Variants in PHTF2 observed in about 807,000 individuals in gnomAD.
The protein encoded by PHTF2 is protein PHTF2.
In PHTF2, 60 loss-of-function variants were observed where a neutral mutation model predicts 101.2. The observed-to-expected ratio is 0.59, with a 90% CI of 0.48 to 0.73. PHTF2 has a LOEUF of 0.73. Ranked by LOEUF, PHTF2 falls within the 30% of genes least tolerant of loss-of-function variation. The pLI, the probability that PHTF2 is intolerant of heterozygous loss-of-function variation, is 0.00. For synonymous variants in PHTF2, 311 were observed against 307.3 expected, an observed-to-expected ratio of 1.01 and a Z score of -0.13; for missense variants, 747 against 908.7, an observed-to-expected ratio of 0.82 and a Z score of 2.29.
At chr7:77,829,440 A>G (rs1419885895) in intron 1 of PHTF2, among the ~76,000 whole-genome samples, 2 of 152,212 alleles carry the variant, frequency 1.3e-5, no homozygotes, top group African/African-American at 4.8e-5. Flanking sequence ...TTTGTTTAAA[A>G]TTACAACTTT....
At chr7:77,855,135 G>T (rs1160574686) in intron 3 of PHTF2, among the ~76,000 whole-genome samples, 2 of 152,218 alleles carry the variant, frequency 1.3e-5, no homozygotes, top group African/African-American at 4.8e-5. Flanking sequence ...TACCGCCTGG[G>T]TACCACTTAT....
chr7:77,889,920 CAGA>C (rs1313796088), intron 3 of PHTF2, among the ~76,000 whole-genome samples: 1 of 151,988 alleles, frequency 6.6e-6, no homozygotes, highest in Non-Finnish European at 1.5e-5. Context: ...ATTTCCAAAA[CAGA>C]AGAAGTCTGC....
intron 1 of PHTF2, among the ~76,000 whole-genome samples, chr7:77,820,945 C>A (rs1016320412): frequency 6.6e-6 from 1 of 152,018 alleles, no homozygotes; most frequent in African/African-American, 2.4e-5. Flanking sequence ...TATAGTTTCA[C>A]ATGTTTTTAT....
intron 3 of PHTF2, among the ~76,000 whole-genome samples, chr7:77,875,834 G>A (rs1798897748): frequency 6.6e-6 from 1 of 152,142 alleles, no homozygotes; most frequent in South Asian, 2.1e-4. Flanking sequence ...TGGGATTACA[G>A]GCGTGAGAAA....
At position 77,929,072 on chromosome 7, in the gene PHTF2, T is replaced by C. The variant is rs200217247; in HGVS notation, c.1120-37T>C. 2.5e-4 allele frequency: 361 copies of C among 1,473,088 alleles called. 1 individual carries two copies. The highest frequency in any genetic ancestry group is 1.4e-4 in the Non-Finnish European group (144 of 1,056,840). The allele number at this position is 1,473,088 out of a possible 1,614,324, so 91.3% of individuals were successfully genotyped here. ...TATCCTTTGAGTTGGAAAGAGTACA[T>C]AAATTGTATTAATGTCAAAGAATAT... On this transcript the variant is annotated intron_variant, in intron 11 of 19. Coordinates refer to ENST00000416283, the Ensembl canonical transcript of PHTF2.
intron 18 of PHTF2, among the ~76,000 whole-genome samples, chr7:77,953,423 A>C (rs1376558226): frequency 6.6e-6 from 1 of 152,176 alleles, no homozygotes; most frequent in East Asian, 1.9e-4. Flanking sequence ...AAATTTGGCC[A>C]ATTTCTAATT....
chr7:77,890,029 C>A (rs537017430), intron 3 of PHTF2, among the ~76,000 whole-genome samples: 1 of 150,584 alleles, frequency 6.6e-6, no homozygotes, highest in Non-Finnish European at 1.5e-5. Flanking sequence ...CGCGCCCCCC[C>A]CCACCACCAT....
chr7:77,916,865 C>T (rs920348551), intron 9 of PHTF2, among the ~76,000 whole-genome samples: 1 of 152,114 alleles, frequency 6.6e-6, no homozygotes, highest in African/African-American at 2.4e-5. Context: ...CAGGTGCAAG[C>T]ATAGTAAGCC....
chr7:77,812,620 C>T (rs371040797), intron 1 of PHTF2, among the ~76,000 whole-genome samples: 23 of 150,560 alleles, frequency 1.5e-4, no homozygotes, highest in East Asian at 7.9e-4. Context: ...GACAGAGCCT[C>T]GCTCTGTCAC....
chr7:77,823,975 A>G (rs892832713), intron 1 of PHTF2, among the ~76,000 whole-genome samples: 1 of 152,218 alleles, frequency 6.6e-6, no homozygotes, highest in Admixed American at 6.5e-5. Flanking sequence ...AAGCAACAAT[A>G]ATAGATTGTT....
chr7:77,901,719 T>G, intron 6 of PHTF2, 43 bp from the exon 6 acceptor site: 1 of 1,132,464 alleles, frequency 8.8e-7, no homozygotes, highest in African/African-American at 1.6e-5. Flanking sequence ...AATTAAAGAA[T>G]AATATATAAA....
intron 16 of PHTF2, among the ~76,000 whole-genome samples, chr7:77,945,173 T>C (rs1297709321): frequency 6.6e-6 from 1 of 152,134 alleles, no homozygotes; most frequent in Non-Finnish European, 1.5e-5. Flanking sequence ...AACCTCTCTC[T>C]ACTGAAAATA....
At chr7:77,879,446 TC>T (rs1304402694) in intron 3 of PHTF2, among the ~76,000 whole-genome samples, 1 of 152,126 alleles carries the variant, frequency 6.6e-6, no homozygotes, top group African/African-American at 2.4e-5. Context: ...GTTGGAATTC[TC>T]CCAGCTCTAC....
chr7:77,808,182 A>G (rs909476106), intron 1 of PHTF2, among the ~76,000 whole-genome samples: 5 of 152,140 alleles, frequency 3.3e-5, no homozygotes, highest in African/African-American at 9.7e-5. Context: ...AAGATTCAAT[A>G]TATATTTTAG....
chr7:77,869,446 C>A (rs1278178351), intron 3 of PHTF2, among the ~76,000 whole-genome samples: 1 of 152,158 alleles, frequency 6.6e-6, no homozygotes, highest in African/African-American at 2.4e-5. Flanking sequence ...TTACTCTCTA[C>A]CTCCATGAGA....
intron 1 of PHTF2, among the ~76,000 whole-genome samples, chr7:77,823,012 C>G (rs1302400115): frequency 6.8e-6 from 1 of 148,042 alleles, no homozygotes; most frequent in Non-Finnish European, 1.5e-5. Flanking sequence ...TCACGCCATT[C>G]TCCTGCCTCA....
chr7:77,957,027 G>C (rs1287248726), exon 20 of PHTF2: 1 of 152,116 alleles, frequency 6.6e-6, no homozygotes, highest in Non-Finnish European at 1.5e-5. Context: ...TATTTTCAAA[G>C]CAGAAAAATT....
intron 3 of PHTF2, among the ~76,000 whole-genome samples, chr7:77,874,994 C>A (rs1798812162): frequency 6.6e-6 from 1 of 152,132 alleles, no homozygotes; most frequent in African/African-American, 2.4e-5. Flanking sequence ...CTATTTTATG[C>A]CAGGCCCATG....
intron 1 of PHTF2, among the ~76,000 whole-genome samples, chr7:77,810,783 C>T (rs1310341393): frequency 1.3e-5 from 2 of 152,064 alleles, no homozygotes; most frequent in Non-Finnish European, 2.9e-5. Context: ...GGTGATCCAC[C>T]CACCTTGGCC....
Sources: gnomAD v4.1 joint callset for allele counts (sites outside exome capture counted in the v4.1 genomes callset) on GRCh38, gnomAD v4.1.1 for gene constraint, MANE v1.5 for transcripts, NCBI Gene and HGNC (gene_info 2026-07-23, HGNC 2026-07-21) for gene names.